The following TNRC6A variants were observed in gnomAD, a reference collection of about 807,000 sequenced individuals.
TNRC6A encodes the protein trinucleotide repeat-containing gene 6A protein.
Under a neutral mutation model 221.2 loss-of-function variants are expected in TNRC6A, and 44 were observed. That is an observed-to-expected ratio of 0.20 (90% CI 0.16 to 0.26). The LOEUF (loss-of-function observed/expected upper bound fraction) is 0.26, where lower values mean the gene tolerates loss of function less well. Ranked by LOEUF, TNRC6A falls within the 10% of genes least tolerant of loss-of-function variation. The pLI is 1.00. For missense variants in TNRC6A, 2,199 were observed against 2,404.4 expected (o/e 0.91, Z 1.79); for synonymous variants, 847 against 838.5 (o/e 1.01, Z -0.18).
chr16:24,640,094 A>G (rs1375596759), intron 1 of TNRC6A, among the ~76,000 whole-genome samples: 1 of 152,174 alleles, frequency 6.6e-6, no homozygotes, highest in Non-Finnish European at 1.5e-5. Context: ...GTCTTGAATA[A>G]AAGTACAAGA....
chr16:24,753,781 G>A (rs1215441855), intron 3 of TNRC6A, among the ~76,000 whole-genome samples: 2 of 152,168 alleles, frequency 1.3e-5, no homozygotes, highest in Admixed American at 1.3e-4. Context: ...AGTATTTTAT[G>A]TAATTTATAT....
In TNRC6A at chr16:24,806,563, A is replaced by G; in HGVS notation, c.4330-11A>G. On this transcript the variant is annotated splice_polypyrimidine_tract_variant and intron_variant, in intron 16 of 24. Coordinates refer to ENST00000395799, the MANE Select transcript of TNRC6A (RefSeq NM_014494.4). Reference sequence around the variant, plus strand: ...CCCAGTAATTTTTTCCAATCATTTCATTGTTTTAAGGGTCGACCTCTTAGT... The same window carrying G: ...CCCAGTAATTTTTTCCAATCATTTCGTTGTTTTAAGGGTCGACCTCTTAGT... 2 of 1,613,570 alleles carry G rather than the reference A, an allele frequency of 1.2e-6. No homozygotes were observed. Among genetic ancestry groups the G allele is most frequent in the Non-Finnish European group, 1.7e-6 (2 of 1,179,486 alleles).
At chr16:24,638,408 C>T (rs1901751017) in intron 1 of TNRC6A, among the ~76,000 whole-genome samples, 2 of 151,754 alleles carry the variant, frequency 1.3e-5, no homozygotes. Flanking sequence ...CAAAGCAAGA[C>T]CCTGTCTCAA....
chr16:24,703,955 G>A (rs546208640), intron 2 of TNRC6A, among the ~76,000 whole-genome samples: 16 of 151,964 alleles, frequency 1.1e-4, no homozygotes, highest in Admixed American at 2.0e-4. Flanking sequence ...GTGGTGATGC[G>A]TACTTGTAGT....
intron 5 of TNRC6A, among the ~76,000 whole-genome samples, chr16:24,780,949 C>A (rs2057828935): frequency 6.6e-6 from 1 of 150,464 alleles, no homozygotes; most frequent in African/African-American, 2.5e-5. Flanking sequence ...CTTGCAACTT[C>A]TACTACTTGC....
At chr16:24,782,866 C>G (rs1483830658) in intron 5 of TNRC6A, among the ~76,000 whole-genome samples, 1 of 151,940 alleles carries the variant, frequency 6.6e-6, no homozygotes, top group Non-Finnish European at 1.5e-5. Context: ...AGCAAGACTC[C>G]GTCTGACAAA....
At chr16:24,652,968 A>T (rs1363222144) in intron 2 of TNRC6A, among the ~76,000 whole-genome samples, 1 of 152,196 alleles carries the variant, frequency 6.6e-6, no homozygotes, top group East Asian at 1.9e-4. Flanking sequence ...ATTCTCTTGA[A>T]CTTTGTTTAA....
At chr16:24,730,328 G>T in intron 2 of TNRC6A, 28 bp downstream of exon 2, 3 of 1,600,208 alleles carry the variant, frequency 1.9e-6, no homozygotes, top group Non-Finnish European at 2.6e-6. Context: ...TCCGTCTCCC[G>T]CCCCACGATA....
intron 2 of TNRC6A, among the ~76,000 whole-genome samples, chr16:24,745,918 A>G (rs1303857238): frequency 6.6e-6 from 1 of 151,806 alleles, no homozygotes; most frequent in East Asian, 1.9e-4. Flanking sequence ...TTTTCGCAAC[A>G]GTCTTCTCAC....
chr16:24,723,732 T>G (rs2056450128), intron 2 of TNRC6A, among the ~76,000 whole-genome samples: 1 of 152,210 alleles, frequency 6.6e-6, no homozygotes, highest in African/African-American at 2.4e-5. Flanking sequence ...AACTTTTTTT[T>G]TTGTTCCATT....
chr16:24,795,242 G>C (rs2058194603), intron 8 of TNRC6A, among the ~76,000 whole-genome samples: 1 of 152,148 alleles, frequency 6.6e-6, no homozygotes, highest in Non-Finnish European at 1.5e-5. Flanking sequence ...CCTAAAGCTG[G>C]CTGTACATCG....
chr16:24,800,708 T>G (rs565360113), intron 11 of TNRC6A, among the ~76,000 whole-genome samples: 1 of 152,288 alleles, frequency 6.6e-6, no homozygotes, highest in Admixed American at 6.5e-5. Context: ...GAAAAGGCAT[T>G]CATGGAGAGG....
Position 24,815,355 on chromosome 16 carries a change from G to A in TNRC6A, c.4831+50G>A, listed in dbSNP as rs746794928. ...TTCATGAGACTGTGTTTCCATTAAG[G>A]TTTTGTTACATCTGGACTTACTACT... On this transcript the variant is annotated intron_variant, in intron 19 of 24. Coordinates refer to ENST00000395799, the MANE Select transcript of TNRC6A (RefSeq NM_014494.4). 8 of 1,596,324 alleles carry A rather than the reference G, an allele frequency of 5.0e-6. No homozygotes were observed. In the Admixed American group the frequency reaches 8.7e-5, roughly 17 times the overall value.
rs1596781960 is a variant in TNRC6A, at chr16:24,805,786, T to C, written c.4251+53T>C. ...ACACATTTATGGAGCATCTACTGTATGCCAAACACTAGACTCTGTGCGGGA... is the reference window on the plus strand; with the variant it reads ...ACACATTTATGGAGCATCTACTGTACGCCAAACACTAGACTCTGTGCGGGA... On this transcript the variant is annotated intron_variant, in intron 15 of 24. Coordinates refer to ENST00000395799, the MANE Select transcript of TNRC6A (RefSeq NM_014494.4). The C allele has an allele frequency of 1.5e-5, 24 of 1,610,234 alleles. No homozygotes were observed. In the South Asian group the frequency reaches 1.7e-4, roughly 11 times the overall value.
rs1043047513 is a variant in TNRC6A at position 24,791,049 on chromosome 16, G to A, written c.2407G>A (p.Gly803Arg). Residue 803 changes from glycine to arginine, a missense_variant, in exon 6 of 25, where the codon GGG (glycine) becomes AGG (arginine). Transcript: ENST00000395799. Reference sequence around the variant, plus strand: ...TTCCAAAGGCTCAAACTGCCAGGGGGGGTGGGAAGATGATTCTGCTGCTAC... The same window carrying A: ...TTCCAAAGGCTCAAACTGCCAGGGGAGGTGGGAAGATGATTCTGCTGCTAC... The part of the protein sequence containing the change: ...GDSKGSNCQG[G>R]WEDDSAATGM... 1 of 1,596,794 alleles carries A rather than the reference G, an allele frequency of 6.3e-7. No homozygotes were observed. Among genetic ancestry groups the A allele is most frequent in the South Asian group, 1.1e-5 (1 of 87,062 alleles).
chr16:24,820,410 A>G, intron 22 of TNRC6A, 50 bp downstream of exon 22: 1 of 1,519,334 alleles, frequency 6.6e-7, no homozygotes, highest in South Asian at 1.1e-5. Flanking sequence ...GCTAAACGCT[A>G]ACCAGTACTA....
chr16:24,721,068 G>A (rs947604726), intron 2 of TNRC6A, among the ~76,000 whole-genome samples: 3 of 152,046 alleles, frequency 2.0e-5, no homozygotes, highest in African/African-American at 4.8e-5. Context: ...AATTAAGGCT[G>A]CTGTATGGAG....
Position 24,790,547 on chromosome 16 carries a change from G to A in TNRC6A, c.1905G>A (p.Lys635=), listed in dbSNP as rs766255287. 38 of 1,614,092 alleles carry A rather than the reference G, an allele frequency of 2.4e-5. No homozygotes were observed. Among genetic ancestry groups the A allele is most frequent in the Non-Finnish European group, 3.1e-5 (36 of 1,180,056 alleles). The change falls in exon 6 of 25, where the codon AAG becomes AAA. Residue 635 remains lysine (K), a synonymous_variant. Transcript: ENST00000395799. ...HSNDSANGNG[K]TFTNGWKSTE... The stretch of plus-strand genomic sequence containing the variant: ...ATGATAGTGCAAATGGCAATGGTAA[G>A]ACGTTTACAAATGGATGGAAATCTA...
At chr16:24,809,227 G>A (rs2058494664) in intron 17 of TNRC6A, 123 bp from the exon 18 acceptor site, 1 of 833,108 alleles carries the variant, frequency 1.2e-6, no homozygotes, top group African/African-American at 1.8e-5. Context: ...CTAAATTATA[G>A]TATTAACAGT....
Sources: allele counts gnomAD v4.1 joint callset (sites outside exome capture counted in the v4.1 genomes callset), GRCh38; gene constraint gnomAD v4.1.1; transcripts MANE v1.5; gene names NCBI Gene and HGNC (gene_info 2026-07-23, HGNC 2026-07-21).